Variants in TRPC4AP observed in about 807,000 individuals in gnomAD.
TRPC4AP encodes the protein transient receptor potential cation channel subfamily C member 4 associated protein.
Under a neutral mutation model 99.0 loss-of-function variants are expected in TRPC4AP, and 45 were observed. The observed-to-expected ratio is 0.45, with a 90% confidence interval of 0.36 to 0.58. The LOEUF is 0.58. Among genes scored for constraint, TRPC4AP ranks in the 20% least tolerant of loss-of-function variants. The pLI, the probability that TRPC4AP is intolerant of heterozygous loss-of-function variation, is 0.00. For synonymous variants in TRPC4AP, 408 were observed against 385.8 expected (o/e 1.06, Z -0.67); for missense variants, 879 against 985.3 (o/e 0.89, Z 1.44).
intron 10 of TRPC4AP, among the ~76,000 whole-genome samples, chr20:35,013,888 T>G (rs947852713): frequency 6.6e-6 from 1 of 152,210 alleles, no homozygotes; most frequent in African/African-American, 2.4e-5. Context: ...GCCATGGTGC[T>G]GCTGGTGGGT....
rs181765122 is a variant in TRPC4AP, at chr20:35,020,404, C to T, written c.1218+786G>A. 1.1e-3 allele frequency among the ~76,000 whole-genome samples: 172 copies of T among 152,320 alleles called. 3 individuals carry two copies. In the East Asian group the frequency reaches 0.031, roughly 28 times the overall value. On this transcript the variant is annotated intron_variant, in intron 9 of 18. Transcript: ENST00000252015. ...GCTGTTTGCTCCAGGCTGTCCCGCG[C>T]TGCCTCACTGTTCCAGCAACTATGC...
rs563585363 is a variant in TRPC4AP, at chr20:35,060,621, A to T, written c.415-3050T>A. Among the ~76,000 whole-genome samples, 19 of 149,288 alleles carry T rather than the reference A, an allele frequency of 1.3e-4. No individual in the cohort carries two copies. In the South Asian group the frequency reaches 4.0e-3, roughly 32 times the overall value. On this transcript the variant is annotated intron_variant, in intron 3 of 18. Transcript: ENST00000252015. ...AAAAAAAAAAAAAAACAAGAAAAGG[A>T]TTATACACCATGACACTATGACAAA...
chr20:35,031,316 G>A (rs893466117), intron 8 of TRPC4AP, among the ~76,000 whole-genome samples: 28 of 150,894 alleles, frequency 1.9e-4, no homozygotes, highest in Non-Finnish European at 1.2e-4. Flanking sequence ...TCATCCTCCT[G>A]GGTTGAGGTG....
chr20:35,013,405 C>A (rs1256136078), intron 10 of TRPC4AP, among the ~76,000 whole-genome samples: 1 of 152,112 alleles, frequency 6.6e-6, no homozygotes, highest in African/African-American at 2.4e-5. Flanking sequence ...CATGGCAAAC[C>A]CTGTCTCTAC....
chr20:35,076,494 C>T (rs1476786734), intron 2 of TRPC4AP, among the ~76,000 whole-genome samples: 1 of 152,226 alleles, frequency 6.6e-6, no homozygotes, highest in Non-Finnish European at 1.5e-5. Flanking sequence ...TCAGGACCCT[C>T]AGCTGCAGGT....
In TRPC4AP at chr20:35,003,445, G is replaced by C. The variant is rs1254104067; in HGVS notation, c.2221C>G (p.Leu741Val). 6.2e-7 allele frequency: 1 copy of C among 1,614,178 alleles called. No homozygotes were observed. The highest frequency in any genetic ancestry group is 1.7e-5 in the Admixed American group (1 of 60,036). ...CAGGTGCTGTCCTTGTCCTTGTGCA[G>C]GTAGTGCTGCTGCCAGAAGCGCAGC... The part of the protein sequence containing the change: ...NLLRFWQQHY[L>V]HKDKDSTCLE... The change falls in exon 18 of 19, where the codon CTG becomes GTG. Residue 741 changes from leucine (L) to valine (V), a missense_variant. Physicochemically the swap from Leu to Val is conservative, Grantham distance 32. Around this residue, in one of 3 missense-constraint regions of TRPC4AP, gnomAD observed 224 missense variants for 264.7 expected, o/e 0.85. Transcript: ENST00000252015.
intron 2 of TRPC4AP, among the ~76,000 whole-genome samples, chr20:35,074,561 T>G (rs1443680682): frequency 6.6e-6 from 1 of 152,196 alleles, no homozygotes; most frequent in Non-Finnish European, 1.5e-5. Context: ...TTGTTCAGTT[T>G]CCACGTAGTT....
intron 4 of TRPC4AP, among the ~76,000 whole-genome samples, chr20:35,056,461 C>A (rs1260774183): frequency 2.0e-5 from 3 of 151,734 alleles, no homozygotes; most frequent in African/African-American, 7.3e-5. Context: ...CATGAAAGAC[C>A]AAGTTAGAAT....
At chr20:35,006,299 G>C (rs2082514218) in intron 15 of TRPC4AP, 136 bp downstream of exon 15, 1 of 1,019,048 alleles carries the variant, frequency 9.8e-7, no homozygotes, top group Non-Finnish European at 1.4e-6. Flanking sequence ...AGGTTCCAAT[G>C]AATGTTTGCC....
At chr20:35,070,328 G>C (rs774927351) in intron 2 of TRPC4AP, among the ~76,000 whole-genome samples, 10 of 151,992 alleles carry the variant, frequency 6.6e-5, no homozygotes, top group Non-Finnish European at 1.5e-4. Flanking sequence ...CCCCCAACCA[G>C]AAGCATGCTC....
At chr20:35,014,974 G>A (rs2082716565) in intron 10 of TRPC4AP, among the ~76,000 whole-genome samples, 1 of 152,190 alleles carries the variant, frequency 6.6e-6, no homozygotes, top group Admixed American at 6.5e-5. Flanking sequence ...AGCTAAAGGA[G>A]AGTGCTTGGG....
At chr20:35,013,344 C>T (rs1411665273) in intron 10 of TRPC4AP, among the ~76,000 whole-genome samples, 1 of 152,132 alleles carries the variant, frequency 6.6e-6, no homozygotes, top group Non-Finnish European at 1.5e-5. Flanking sequence ...CTTTGGGAGG[C>T]CGAGGCGGGC....
chr20:35,024,821 G>T (rs1381408150), intron 8 of TRPC4AP, among the ~76,000 whole-genome samples: 1 of 36,158 alleles, frequency 2.8e-5, no homozygotes. Context: ...GAGAGAGACC[G>T]TCTCAAAAAA....
At chr20:35,052,952 G>A (rs944909453) in intron 5 of TRPC4AP, among the ~76,000 whole-genome samples, 3 of 152,092 alleles carry the variant, frequency 2.0e-5, no homozygotes, top group African/African-American at 7.2e-5. Flanking sequence ...GCAACCCTGA[G>A]AGCCCCAGGT....
chr20:35,007,205 T>C (rs1371072814), intron 14 of TRPC4AP, among the ~76,000 whole-genome samples: 1 of 152,238 alleles, frequency 6.6e-6, no homozygotes, highest in Non-Finnish European at 1.5e-5. Context: ...AATTATAACT[T>C]TGGCCATTCT....
At chr20:35,081,445 C>T (rs1026203396) in intron 1 of TRPC4AP, among the ~76,000 whole-genome samples, 3 of 151,740 alleles carry the variant, frequency 2.0e-5, no homozygotes, top group Non-Finnish European at 4.4e-5. Flanking sequence ...TGCTAGGAGG[C>T]CGAGACTGCA....
chr20:35,068,962 C>CACA (rs1555914212), intron 3 of TRPC4AP, among the ~76,000 whole-genome samples: 2 of 59,528 alleles, frequency 3.4e-5, no homozygotes, highest in African/African-American at 9.4e-5. Flanking sequence ...CACACACACA[C>CACA]ACACACACAC....
At chr20:35,085,627 T>A (rs1216095365) in intron 1 of TRPC4AP, among the ~76,000 whole-genome samples, 14 of 123,456 alleles carry the variant, frequency 1.1e-4, no homozygotes, top group South Asian at 7.6e-4. Context: ...AAAAAAAAAA[T>A]CATTAGAATT....
Position 35,060,584 on chromosome 20 carries a change from CCAAAAAAAAAAAAAA to C in TRPC4AP, c.415-3028_415-3014del, listed in dbSNP as rs2083975971. ...CCTGGGTGACAGAGAGACCTTGTCTCCAAAAAAAAAAAAAAAAAAAAAAAAACAAGAAAAGGATTA... is the reference window on the plus strand; with the variant it reads ...CCTGGGTGACAGAGAGACCTTGTCTCAAAAAAAAAAACAAGAAAAGGATTA... On this transcript the variant is annotated intron_variant, in intron 3 of 18. Coordinates refer to ENST00000252015, the MANE Select transcript of TRPC4AP (RefSeq NM_015638.3). 1.5e-4 allele frequency among the ~76,000 whole-genome samples: 7 copies of C among 45,868 alleles called. No homozygotes were observed. In the Admixed American group the frequency reaches 1.7e-3, roughly 11 times the overall value. The allele number at this position is 45,868 out of a possible 152,430, so 30.1% of individuals were successfully genotyped here. A position where few individuals can be genotyped will look rare whatever the true frequency, so the allele number is the denominator to read the frequency against.
Sources: gnomAD v4.1 joint callset for allele counts (sites outside exome capture counted in the v4.1 genomes callset) on GRCh38, gnomAD v4.1.1 for gene constraint, gnomAD v4.1.1 regional missense constraint, MANE v1.5 for transcripts, NCBI Gene and HGNC (gene_info 2026-07-23, HGNC 2026-07-21) for gene names.